ACYP2: variants seen among roughly 807,000 people sequenced by gnomAD.
The protein encoded by ACYP2 is acylphosphatase-2.
Under a neutral mutation model 11.2 loss-of-function variants are expected in ACYP2, and 12 were observed. The ratio of observed to expected loss-of-function variants is 1.08; its 90% CI spans 0.69 to 1.74. The LOEUF is 1.74. ACYP2 is among the 40% of genes most tolerant of loss of function. The pLI, the probability that ACYP2 is intolerant of heterozygous loss-of-function variation, is 0.00. For missense variants in ACYP2, 134 were observed against 101.9 expected, an observed-to-expected ratio of 1.31 and a Z score of -1.35; for synonymous variants, 43 against 32.2, an observed-to-expected ratio of 1.33 and a Z score of -1.13.
Position 54,112,911 on chromosome 2 carries a change from A to C in ACYP2, c.278-22542A>C, listed in dbSNP as rs570670234. ...AAAATTCAAATAAACCTACCTAATAATTGGCAGGGGTACTCTTGGGTAAAT... is the reference window on the plus strand; with the variant it reads ...AAAATTCAAATAAACCTACCTAATACTTGGCAGGGGTACTCTTGGGTAAAT... On this transcript the variant is annotated intron_variant, in intron 4 of 6. Transcript: ENST00000607452. 2.0e-5 allele frequency among the ~76,000 whole-genome samples: 3 copies of C among 152,310 alleles called. No individual in the cohort carries two copies. In the East Asian group the frequency reaches 5.8e-4, roughly 29 times the overall value.
At chr2:54,265,092 T>C (rs536085849) in intron 6 of ACYP2, among the ~76,000 whole-genome samples, 1 of 152,234 alleles carries the variant, frequency 6.6e-6, no homozygotes, top group East Asian at 1.9e-4. Context: ...GTAGGAAAAT[T>C]TGTATAATAA....
At chr2:54,255,167 T>C (rs771555337) in intron 6 of ACYP2, 2 of 1,614,174 alleles carry the variant, frequency 1.2e-6, no homozygotes, top group South Asian at 1.1e-5. Flanking sequence ...CGGCGCCACA[T>C]GATTAGAGTG....
rs937648988 is a variant in ACYP2 at position 54,147,281 on chromosome 2, T to G, written c.404+8533T>G. 3.3e-5 allele frequency among the ~76,000 whole-genome samples: 5 copies of G among 152,116 alleles called. No individual in the cohort carries two copies. The East Asian group carries it at 9.6e-4, about 29-fold the overall frequency. The stretch of plus-strand genomic sequence containing the variant: ...AACAATAAGCAGGACTTAAGGAAAT[T>G]TTCCAATATGTAGACTTATGGGCTT... On this transcript the variant is annotated intron_variant, in intron 6 of 6. Coordinates refer to ENST00000607452, the MANE Select transcript of ACYP2 (RefSeq NM_001320586.2).
rs561717708 is a variant in ACYP2, at chr2:54,134,316, A to G, written c.278-1137A>G. On this transcript the variant is annotated intron_variant, in intron 4 of 6. Coordinates refer to ENST00000607452, the MANE Select transcript of ACYP2 (RefSeq NM_001320586.2). Reference sequence around the variant, plus strand: ...CTAAAATAAATAAATAAGTAAGTAAATAAATAAATAAATAAATAAAGAACT... The same window carrying G: ...CTAAAATAAATAAATAAGTAAGTAAGTAAATAAATAAATAAATAAAGAACT... Among the ~76,000 whole-genome samples the G allele has an allele frequency of 1.8e-3, 280 of 152,116 alleles. 2 individuals carry two copies. Among genetic ancestry groups the G allele is most frequent in the East Asian group, 5.0e-3 (26 of 5,190 alleles).
chr2:54,096,327 G>C (rs1678576794), intron 4 of ACYP2, among the ~76,000 whole-genome samples: 4 of 145,270 alleles, frequency 2.8e-5, no homozygotes. Context: ...CGGCCGGGCA[G>C]AGACGCTCCT....
intron 6 of ACYP2, among the ~76,000 whole-genome samples, chr2:54,147,467 A>T (rs1681948359): frequency 6.6e-6 from 1 of 152,048 alleles, no homozygotes; most frequent in African/African-American, 2.4e-5. Flanking sequence ...TTCTGTAGGC[A>T]CTTAGTCTGT....
chr2:54,247,211 T>G (rs1385587485), intron 6 of ACYP2, among the ~76,000 whole-genome samples: 1 of 152,208 alleles, frequency 6.6e-6, no homozygotes, highest in Non-Finnish European at 1.5e-5. Flanking sequence ...CCTTCTCTTC[T>G]CATCTCACTT....
chr2:53,993,784 T>A (rs1672422204), intron 2 of ACYP2, among the ~76,000 whole-genome samples: 1 of 151,902 alleles, frequency 6.6e-6, no homozygotes, highest in Non-Finnish European at 1.5e-5. Flanking sequence ...ACACCCTCAG[T>A]TGGGAGTAGA....
intron 2 of ACYP2, among the ~76,000 whole-genome samples, chr2:53,976,552 A>G (rs1045673551): frequency 6.6e-6 from 1 of 152,230 alleles, no homozygotes; most frequent in Non-Finnish European, 1.5e-5. Context: ...GATTCATTGC[A>G]ATGTAATTAA....
At chr2:54,149,655 A>T (rs751582155) in intron 6 of ACYP2, among the ~76,000 whole-genome samples, 1 of 152,262 alleles carries the variant, frequency 6.6e-6, no homozygotes, top group Non-Finnish European at 1.5e-5. Context: ...TTGTAAAATA[A>T]AACACTTGTA....
chr2:54,197,168 G>A (rs1350257804), intron 6 of ACYP2, among the ~76,000 whole-genome samples: 1 of 152,198 alleles, frequency 6.6e-6, no homozygotes, highest in African/African-American at 2.4e-5. Flanking sequence ...TCAGGAAGCA[G>A]AATGATGGAG....
In ACYP2 at chr2:54,123,178, GAC is replaced by G. The variant is rs552722607; in HGVS notation, c.278-12270_278-12269del. 4.8e-5 allele frequency: 19 copies of G among 393,932 alleles called. No individual in the cohort carries two copies. The South Asian group carries it at 2.7e-3, about 56-fold the overall frequency. 24.4% of individuals were successfully genotyped at this position (393,932 alleles called of 1,614,324 possible). ...GGCAGGGTAGAAAGTAGCCAGGAAT[GAC>G]ACACTAATGATACGCCTCCTCACAG... On this transcript the variant is annotated intron_variant, in intron 4 of 6. Transcript: ENST00000607452.
intron 6 of ACYP2, among the ~76,000 whole-genome samples, chr2:54,242,737 G>A (rs1027516331): frequency 6.6e-6 from 1 of 152,198 alleles, no homozygotes; most frequent in Non-Finnish European, 1.5e-5. Context: ...CTCCAGTCTA[G>A]GCGACAGCCT....
chr2:54,281,176 T>C (rs1408683659), intron 6 of ACYP2, among the ~76,000 whole-genome samples: 1 of 152,242 alleles, frequency 6.6e-6, no homozygotes, highest in East Asian at 1.9e-4. Flanking sequence ...TTACCTTGAC[T>C]CAATATCTGA....
intron 4 of ACYP2, among the ~76,000 whole-genome samples, chr2:54,130,769 G>A (rs980998561): frequency 1.1e-4 from 16 of 152,184 alleles, no homozygotes; most frequent in African/African-American, 1.9e-4. Context: ...TTAACTATGC[G>A]TGGTATCCAG....
At chr2:54,267,255 A>G (rs769404893) in intron 6 of ACYP2, 54 of 1,542,354 alleles carry the variant, frequency 3.5e-5, no homozygotes, top group South Asian at 4.9e-5. Context: ...AAACATTATT[A>G]TGTCTGAAAG....
chr2:54,135,397 T>C, intron 4 of ACYP2, 56 bp from the exon 2 acceptor site: 6 of 1,556,010 alleles, frequency 3.9e-6, no homozygotes, highest in Middle Eastern at 1.7e-4. Flanking sequence ...TCAGGAAACA[T>C]ATAACCTTTT....
At chr2:54,043,248 A>G (rs1226541711) in intron 2 of ACYP2, among the ~76,000 whole-genome samples, 2 of 152,230 alleles carry the variant, frequency 1.3e-5, no homozygotes, top group Non-Finnish European at 2.9e-5. Context: ...TTACCTGAAT[A>G]TCTTAACCAA....
chr2:54,139,185 G>A (rs149135196), intron 6 of ACYP2, among the ~76,000 whole-genome samples: 278 of 152,294 alleles, frequency 1.8e-3, no homozygotes, highest in Non-Finnish European at 2.8e-3. Context: ...CTCCTCCAGC[G>A]TTAGGGAGAT....
Sources: gnomAD v4.1 joint callset for allele counts (sites outside exome capture counted in the v4.1 genomes callset) on GRCh38, gnomAD v4.1.1 for gene constraint, MANE v1.5 for transcripts, NCBI Gene and HGNC (gene_info 2026-07-23, HGNC 2026-07-21) for gene names.